SEC63: variants seen among roughly 807,000 people sequenced by gnomAD.
SEC63 encodes translocation protein SEC63 homolog.
In SEC63, 56 loss-of-function variants were observed where a neutral mutation model predicts 116.2. That is an observed-to-expected ratio of 0.48 (90% CI 0.39 to 0.60). The LOEUF is 0.60. Ranked by LOEUF, SEC63 falls within the 20% of genes least tolerant of loss-of-function variation. The pLI is 0.00. For missense variants in SEC63, 668 were observed against 900.0 expected, an observed-to-expected ratio of 0.74 and a Z score of 3.30; for synonymous variants, 273 against 294.6, an observed-to-expected ratio of 0.93 and a Z score of 0.75.
At chr6:107,955,209 T>C (rs1770687706) in intron 1 of SEC63, among the ~76,000 whole-genome samples, 1 of 152,226 alleles carries the variant, frequency 6.6e-6, no homozygotes, top group African/African-American at 2.4e-5. Context: ...ACTGCATTGC[T>C]GGAGTGTGGT....
chr6:107,940,958 C>T (rs1770362331), intron 1 of SEC63, among the ~76,000 whole-genome samples: 1 of 151,938 alleles, frequency 6.6e-6, no homozygotes, highest in African/African-American at 2.4e-5. Context: ...TAGTGATAAT[C>T]CATAGCCTAA....
intron 1 of SEC63, among the ~76,000 whole-genome samples, chr6:107,945,595 A>C (rs902676947): frequency 2.0e-5 from 3 of 151,678 alleles, no homozygotes; most frequent in African/African-American, 7.3e-5. Context: ...TGAGCCACCG[A>C]GCCCAGCCGA....
chr6:107,944,815 A>G (rs1295885494), intron 1 of SEC63, among the ~76,000 whole-genome samples: 1 of 152,212 alleles, frequency 6.6e-6, no homozygotes, highest in Non-Finnish European at 1.5e-5. Context: ...CTACCAAAAT[A>G]AGACTATGTT....
intron 3 of SEC63, 96 bp from the exon 4 acceptor site, chr6:107,922,005 T>A: frequency 2.8e-6 from 2 of 716,302 alleles, no homozygotes; most frequent in Non-Finnish European, 4.9e-6. Flanking sequence ...ACTTAAAATA[T>A]GAACTACTCA....
At chr6:107,881,119 A>G (rs1011631291) in intron 18 of SEC63, 30 bp downstream of exon 18, 4 of 1,433,458 alleles carry the variant, frequency 2.8e-6, no homozygotes, top group Non-Finnish European at 3.9e-6. Flanking sequence ...TGAATGGAAT[A>G]AGGAACACAG....
chr6:107,871,962 TGGACAC>T, intron 20 of SEC63, 115 bp from the exon 21 acceptor site: 1 of 1,006,492 alleles, frequency 9.9e-7, no homozygotes, highest in Non-Finnish European at 1.5e-6. Context: ...TAGTTTTTTA[TGGACAC>T]AATTCTAAAT....
At chr6:107,942,709 G>A (rs1770403405) in intron 1 of SEC63, among the ~76,000 whole-genome samples, 1 of 152,076 alleles carries the variant, frequency 6.6e-6, no homozygotes, top group African/African-American at 2.4e-5. Flanking sequence ...GCCTACCGTT[G>A]ACTGGAAGCC....
chr6:107,925,551 A>T (rs932843645), intron 2 of SEC63, among the ~76,000 whole-genome samples: 31 of 152,348 alleles, frequency 2.0e-4, no homozygotes, highest in African/African-American at 7.2e-4. Context: ...AGAACATATC[A>T]TTTGAAAATA....
intron 1 of SEC63, chr6:107,954,834 CAAGTT>C (rs1189264067): frequency 8.2e-6 from 1 of 121,952 alleles, no homozygotes; most frequent in East Asian, 3.0e-4. Context: ...AGAAACAACT[CAAGTT>C]ATTAGGGTAA....
chr6:107,920,891 T>C (rs955202156), intron 4 of SEC63, among the ~76,000 whole-genome samples: 6 of 152,212 alleles, frequency 3.9e-5, no homozygotes, highest in Non-Finnish European at 8.8e-5. Flanking sequence ...ATAACGCATA[T>C]GTGAATATAT....
intron 18 of SEC63, chr6:107,880,836 C>G (rs1292173537): frequency 8.7e-6 from 2 of 230,166 alleles, no homozygotes; most frequent in East Asian, 9.4e-5. Context: ...ATGCATTTGT[C>G]TGATGAAGAC....
intron 1 of SEC63, among the ~76,000 whole-genome samples, chr6:107,946,316 T>C (rs1770480160): frequency 6.6e-6 from 1 of 151,720 alleles, no homozygotes; most frequent in African/African-American, 2.4e-5. Flanking sequence ...CACTGCATCC[T>C]CCACCTCCCG....
intron 4 of SEC63, among the ~76,000 whole-genome samples, chr6:107,917,220 C>G (rs1032038744): frequency 1.5e-4 from 23 of 152,180 alleles, no homozygotes; most frequent in African/African-American, 5.6e-4. Context: ...CCCTTCATTT[C>G]CCATAAGGGA....
chr6:107,927,527 T>G (rs1220261059), intron 2 of SEC63, among the ~76,000 whole-genome samples: 2 of 152,280 alleles, frequency 1.3e-5, no homozygotes, highest in East Asian at 3.9e-4. Flanking sequence ...TTGTTACCAG[T>G]ATATATTTAA....
intron 7 of SEC63, 53 bp downstream of exon 7, chr6:107,911,293 A>G: frequency 8.2e-7 from 1 of 1,216,628 alleles, no homozygotes; most frequent in East Asian, 2.3e-5. Flanking sequence ...AGACTCCAAA[A>G]CATGTCAATC....
At chr6:107,876,919 T>A (rs1786288621) in intron 18 of SEC63, 1 of 411,370 alleles carries the variant, frequency 2.4e-6, no homozygotes, top group African/African-American at 2.0e-5. Context: ...TTGGCCTTCA[T>A]ATTAAAAACC....
intron 7 of SEC63, among the ~76,000 whole-genome samples, chr6:107,910,019 T>C (rs539486606): frequency 8.5e-5 from 13 of 152,334 alleles, no homozygotes; most frequent in South Asian, 2.1e-4. Context: ...ACACATACAG[T>C]AAAATCTCAT....
rs192313205 is a variant in SEC63, at chr6:107,936,134, T to A, written c.125-6620A>T. On this transcript the variant is annotated intron_variant, in intron 1 of 20. Transcript: ENST00000369002. ...GTTTGATCTATTCAAAGGTATGATG[T>A]TCTACTGTTCCTGGCCAAGAGAAAG... 3.5e-4 allele frequency among the ~76,000 whole-genome samples: 54 copies of A among 152,384 alleles called. 1 individual carries two copies. The East Asian group carries it at 6.7e-3, about 19-fold the overall frequency.
chr6:107,925,792 G>A (rs112437072), intron 2 of SEC63, among the ~76,000 whole-genome samples: 3 of 152,310 alleles, frequency 2.0e-5, no homozygotes, highest in African/African-American at 7.2e-5. Context: ...GGCGGTCACA[G>A]ATGTAAATAA....
Sources: gnomAD v4.1 joint callset for allele counts (sites outside exome capture counted in the v4.1 genomes callset) on GRCh38, gnomAD v4.1.1 for gene constraint, MANE v1.5 for transcripts, NCBI Gene and HGNC (gene_info 2026-07-23, HGNC 2026-07-21) for gene names.